Variants in SLIT3 observed in about 807,000 individuals in gnomAD.
SLIT3 encodes slit homolog 3 protein.
SLIT3 carries 68 observed loss-of-function variants against 184.0 expected under a neutral mutation model. The ratio of observed to expected loss-of-function variants is 0.37; its 90% confidence interval spans 0.30 to 0.45. The LOEUF (loss-of-function observed/expected upper bound fraction) is 0.45, where lower values mean the gene tolerates loss of function less well. SLIT3 is among the 20% of genes least tolerant of loss of function. The pLI is 1.00. For synonymous variants in SLIT3, 831 were observed against 828.6 expected, an observed-to-expected ratio of 1.00 and a Z score of -0.05; for missense variants, 1,707 against 2,026.0, an observed-to-expected ratio of 0.84 and a Z score of 3.02.
At chr5:169,257,969 A>C (rs1351514021) in intron 1 of SLIT3, among the ~76,000 whole-genome samples, 5 of 152,188 alleles carry the variant, frequency 3.3e-5, no homozygotes, top group African/African-American at 1.2e-4. Flanking sequence ...TGCTGGACCC[A>C]TACTACGCAC....
intron 1 of SLIT3, among the ~76,000 whole-genome samples, chr5:169,274,001 A>C (rs914170142): frequency 2.0e-5 from 3 of 152,230 alleles, no homozygotes; most frequent in African/African-American, 7.2e-5. Context: ...TAGGGGAACA[A>C]CAAAGGCAGA....
At chr5:168,844,717 C>A in intron 5 of SLIT3, 62 bp from the exon 6 acceptor site, 5 of 1,526,764 alleles carry the variant, frequency 3.3e-6, no homozygotes, top group Non-Finnish European at 4.5e-6. Context: ...GCCGGCGGCC[C>A]AGGCCACCCG....
chr5:169,131,221 C>A (rs72832197), intron 4 of SLIT3, among the ~76,000 whole-genome samples: 5 of 152,142 alleles, frequency 3.3e-5, no homozygotes, highest in African/African-American at 9.7e-5. Context: ...GTAAAACATA[C>A]GAAAATCTGT....
At position 168,829,066 on chromosome 5, in the gene SLIT3, G is replaced by A. The variant is rs540190633; in HGVS notation, c.558-5735C>T. ...CCTGGCTTCCACTGTTCCCTTCTGA[G>A]TGTCAACGTGGGGCTCTCCACTGCA... is the stretch of plus-strand genomic sequence containing the variant. On this transcript the variant is annotated intron_variant, in intron 6 of 35. Transcript: ENST00000519560. 7.9e-5 allele frequency among the ~76,000 whole-genome samples: 12 copies of A among 152,282 alleles called. 1 individual carries two copies. The South Asian group carries it at 1.7e-3, about 21-fold the overall frequency.
chr5:169,086,478 A>C (rs1478088179), intron 4 of SLIT3, among the ~76,000 whole-genome samples: 1 of 152,234 alleles, frequency 6.6e-6, no homozygotes, highest in Non-Finnish European at 1.5e-5. Flanking sequence ...TTCGGCCTGA[A>C]AATTCATTTG....
intron 26 of SLIT3, 77 bp downstream of exon 26, chr5:168,707,899 A>T (rs1204180487): frequency 4.4e-6 from 7 of 1,574,798 alleles, no homozygotes; most frequent in Non-Finnish European, 6.1e-6. Context: ...TACGCAGGGC[A>T]TGGTGCCCCT....
rs145745913 is a variant in SLIT3 at position 168,817,394 on chromosome 5, T to C, written c.699A>G (p.Arg233=). 522 of 1,614,196 alleles carry C rather than the reference T, an allele frequency of 3.2e-4. 3 individuals carry two copies. The South Asian group carries it at 4.4e-3, about 14-fold the overall frequency. Residue 233 remains arginine, a synonymous_variant, in exon 8 of 36, where the codon CGA becomes CGG. Coordinates refer to ENST00000519560, the MANE Select transcript of SLIT3 (RefSeq NM_003062.4). ...LAWLSDWLRQ[R]RTVGQFTLCM... Reference sequence around the variant, plus strand: ...AGAGTGTGAACTGGCCAACTGTCCGTCGCTGTCGCAGCCAATCCGAGAGCC... The same window carrying C: ...AGAGTGTGAACTGGCCAACTGTCCGCCGCTGTCGCAGCCAATCCGAGAGCC...
chr5:169,254,008 C>T (rs981165271), intron 1 of SLIT3, among the ~76,000 whole-genome samples: 2 of 152,216 alleles, frequency 1.3e-5, no homozygotes, highest in Admixed American at 1.3e-4. Context: ...CTGCCTGCCT[C>T]TGCCCACCTC....
intron 4 of SLIT3, among the ~76,000 whole-genome samples, chr5:169,055,697 G>A (rs1757976600): frequency 2.0e-5 from 3 of 151,980 alleles, no homozygotes; most frequent in Non-Finnish European, 4.4e-5. Context: ...AAATTAGCTG[G>A]GTGTGGTAGC....
chr5:169,215,043 C>T (rs1764390460), intron 3 of SLIT3, among the ~76,000 whole-genome samples: 1 of 152,162 alleles, frequency 6.6e-6, no homozygotes, highest in South Asian at 2.1e-4. Flanking sequence ...ACCTTTATTG[C>T]AGAAAGAATG....
intron 4 of SLIT3, among the ~76,000 whole-genome samples, chr5:169,090,656 AAG>A (rs1759546195): frequency 6.6e-6 from 1 of 152,238 alleles, no homozygotes; most frequent in Non-Finnish European, 1.5e-5. Flanking sequence ...GGATCTTGAA[AAG>A]AGAGACTGAA....
intron 4 of SLIT3, among the ~76,000 whole-genome samples, chr5:169,046,308 G>A (rs1757621091): frequency 6.6e-6 from 1 of 152,158 alleles, no homozygotes; most frequent in Non-Finnish European, 1.5e-5. Flanking sequence ...GAAAAGCAAA[G>A]ATCGCAGCAC....
intron 11 of SLIT3, among the ~76,000 whole-genome samples, chr5:168,788,153 G>T (rs1344349866): frequency 1.3e-5 from 2 of 152,010 alleles, no homozygotes; most frequent in Admixed American, 6.6e-5. Flanking sequence ...ACCAGACAAG[G>T]GAAGAGAGAG....
intron 1 of SLIT3, among the ~76,000 whole-genome samples, chr5:169,263,846 C>T (rs1766297398): frequency 6.6e-6 from 1 of 151,626 alleles, no homozygotes; most frequent in Non-Finnish European, 1.5e-5. Flanking sequence ...TCCTGTGTGT[C>T]TGCCTTGTCT....
intron 12 of SLIT3, among the ~76,000 whole-genome samples, chr5:168,776,337 A>G (rs1163406656): frequency 1.3e-5 from 2 of 152,224 alleles, no homozygotes. Context: ...ATAATGGGCA[A>G]GGTCCCAAGG....
chr5:169,010,172 A>G (rs1756091606), intron 4 of SLIT3, among the ~76,000 whole-genome samples: 1 of 152,198 alleles, frequency 6.6e-6, no homozygotes, highest in African/African-American at 2.4e-5. Flanking sequence ...GGCGGTGTGG[A>G]ATGTTTAGGC....
At chr5:169,115,492 T>C (rs1467555214) in intron 4 of SLIT3, among the ~76,000 whole-genome samples, 1 of 152,124 alleles carries the variant, frequency 6.6e-6, no homozygotes, top group Non-Finnish European at 1.5e-5. Context: ...ATTCCTGTTG[T>C]CCCAATATGC....
intron 28 of SLIT3, among the ~76,000 whole-genome samples, chr5:168,693,238 G>T (rs1354171163): frequency 1.3e-5 from 2 of 152,148 alleles, no homozygotes; most frequent in African/African-American, 4.8e-5. Context: ...GCACAAGGGG[G>T]ACCCATAACC....
chr5:168,913,765 A>C (rs918313825), intron 4 of SLIT3, among the ~76,000 whole-genome samples: 3 of 150,778 alleles, frequency 2.0e-5, no homozygotes, highest in Non-Finnish European at 4.4e-5. Flanking sequence ...AACAAACAAA[A>C]ACAAACAAAC....
Sources: allele counts gnomAD v4.1 joint callset (sites outside exome capture counted in the v4.1 genomes callset), GRCh38; gene constraint gnomAD v4.1.1; transcripts MANE v1.5; gene names NCBI Gene and HGNC (gene_info 2026-07-23, HGNC 2026-07-21).